The following LRRC7 variants were observed in gnomAD, a reference collection of about 807,000 sequenced individuals.
The protein encoded by LRRC7 is leucine-rich repeat-containing protein 7.
LRRC7 carries 23 observed loss-of-function variants against 175.7 expected under a neutral mutation model. That is an observed-to-expected ratio of 0.13 (90% CI 0.09 to 0.19). The LOEUF is 0.19. Ranked by LOEUF, LRRC7 falls within the 10% of genes least tolerant of loss-of-function variation. LRRC7 has a pLI of 1.00. For synonymous variants in LRRC7, 685 were observed against 680.9 expected (o/e 1.01, Z -0.09); for missense variants, 1,354 against 1,904.7 (o/e 0.71, Z 5.38).
intron 7 of LRRC7, among the ~76,000 whole-genome samples, chr1:69,838,590 C>T (rs1020712524): frequency 4.0e-5 from 6 of 151,806 alleles, no homozygotes; most frequent in Non-Finnish European, 7.4e-5. Context: ...TAGCTAAAAA[C>T]AATAGTGTCA....
At chr1:70,041,182 C>T (rs565486754) in intron 21 of LRRC7, among the ~76,000 whole-genome samples, 39 of 152,176 alleles carry the variant, frequency 2.6e-4, no homozygotes, top group African/African-American at 9.2e-4. Flanking sequence ...TATTTGGTGT[C>T]CTGCTAAAAG....
chr1:70,102,553 T>TG (rs1664872174), intron 25 of LRRC7, among the ~76,000 whole-genome samples: 1 of 152,140 alleles, frequency 6.6e-6, no homozygotes, highest in Non-Finnish European at 1.5e-5. Flanking sequence ...AAAATAGAGA[T>TG]GGGGTCTCAC....
intron 10 of LRRC7, among the ~76,000 whole-genome samples, chr1:69,992,349 A>G (rs1444524722): frequency 1.3e-5 from 2 of 152,122 alleles, no homozygotes; most frequent in African/African-American, 4.8e-5. Context: ...TTCTTTTTCT[A>G]TCTCTTCAGT....
At position 69,631,099 on chromosome 1, in the gene LRRC7, G is replaced by A. The variant is rs963422725; in HGVS notation, c.3-47282G>A. On this transcript the variant is annotated intron_variant, in intron 1 of 26. Transcript: ENST00000651989. ...TGATAATTTTATACATCCATATAAT[G>A]TGTACAGATCAAATCAGGGTAATTG... is the stretch of plus-strand genomic sequence containing the variant. 5.9e-5 allele frequency among the ~76,000 whole-genome samples: 9 copies of A among 151,720 alleles called. No individual in the cohort carries two copies. In the East Asian group the frequency reaches 1.7e-3, roughly 29 times the overall value.
At chr1:69,746,793 C>T (rs573655707) in intron 2 of LRRC7, among the ~76,000 whole-genome samples, 70 of 152,196 alleles carry the variant, frequency 4.6e-4, no homozygotes, top group Non-Finnish European at 8.2e-4. Flanking sequence ...AAGCTGAAGA[C>T]AGGTGTCGTA....
rs1051276957 is a variant in LRRC7 at position 70,039,919 on chromosome 1, C to T, written c.3969+126C>T. On this transcript the variant is annotated intron_variant, in intron 21 of 26. Transcript: ENST00000651989. ...ATTAGATGATCAGTATTTTATTTAT[C>T]TTTATATTGTGGGGAAAATGGATCA... 42 of 1,249,716 alleles carry T rather than the reference C, an allele frequency of 3.4e-5. No individual in the cohort carries two copies. In the African/African-American group the frequency reaches 5.7e-4, roughly 17 times the overall value. The allele number at this position is 1,249,716 out of a possible 1,614,324, so 77.4% of individuals were successfully genotyped here. A position where few individuals can be genotyped will look rare whatever the true frequency, so the allele number is the denominator to read the frequency against.
At chr1:69,770,521 T>C (rs1672117655) in intron 3 of LRRC7, among the ~76,000 whole-genome samples, 1 of 152,180 alleles carries the variant, frequency 6.6e-6, no homozygotes, top group Non-Finnish European at 1.5e-5. Flanking sequence ...ATTGATTATT[T>C]TTTTTCCTCC....
At chr1:69,858,984 C>CA (rs1431615302) in intron 7 of LRRC7, among the ~76,000 whole-genome samples, 1 of 152,084 alleles carries the variant, frequency 6.6e-6, no homozygotes, top group African/African-American at 2.4e-5. Flanking sequence ...CACCTAAGTG[C>CA]ATAAAGCAAA....
At chr1:69,856,541 C>A (rs1236053242) in intron 7 of LRRC7, among the ~76,000 whole-genome samples, 1 of 152,132 alleles carries the variant, frequency 6.6e-6, no homozygotes, top group Non-Finnish European at 1.5e-5. Flanking sequence ...TGGACACATA[C>A]ACCCTCCCAA....
intron 4 of LRRC7, among the ~76,000 whole-genome samples, chr1:69,815,948 CTTTATTTATTTATTTA>C (rs61408208): frequency 4.7e-5 from 7 of 147,508 alleles, no homozygotes; most frequent in East Asian, 2.0e-4. Context: ...TCTCTAGAAC[CTTTATTTATTTATTTA>C]TTTATTTATT....
chr1:69,588,256 T>C (rs1234457323), intron 1 of LRRC7, among the ~76,000 whole-genome samples: 1 of 152,178 alleles, frequency 6.6e-6, no homozygotes, highest in African/African-American at 2.4e-5. Context: ...TTCAGTAAGA[T>C]GACCATTATT....
At chr1:69,902,121 G>T (rs1557868045) in intron 7 of LRRC7, among the ~76,000 whole-genome samples, 2 of 152,102 alleles carry the variant, frequency 1.3e-5, no homozygotes, top group African/African-American at 4.8e-5. Context: ...CTAATTGGGA[G>T]CTTTTATAAC....
intron 1 of LRRC7, among the ~76,000 whole-genome samples, chr1:69,578,169 CA>C (rs1258848370): frequency 4.0e-5 from 6 of 151,850 alleles, no homozygotes; most frequent in Admixed American, 3.9e-4. Flanking sequence ...GACCTTTATG[CA>C]GCCAAAAAAC....
intron 7 of LRRC7, among the ~76,000 whole-genome samples, chr1:69,895,255 G>A (rs2101653108): frequency 6.6e-6 from 1 of 152,096 alleles, no homozygotes; most frequent in South Asian, 2.1e-4. Context: ...TATTAAGAAG[G>A]TGGATCTCAC....
intron 25 of LRRC7, among the ~76,000 whole-genome samples, chr1:70,097,131 A>G (rs1358351189): frequency 1.3e-5 from 2 of 152,202 alleles, no homozygotes; most frequent in African/African-American, 4.8e-5. Context: ...ATTGAGACTA[A>G]ATATGATTCC....
intron 7 of LRRC7, among the ~76,000 whole-genome samples, chr1:69,858,798 T>C (rs185694417): frequency 5.9e-5 from 9 of 152,276 alleles, no homozygotes; most frequent in Middle Eastern, 3.4e-3. Context: ...TTTCCTGAGT[T>C]ATCTGACCTC....
intron 7 of LRRC7, among the ~76,000 whole-genome samples, chr1:69,892,445 C>T (rs950902791): frequency 2.6e-5 from 4 of 152,108 alleles, no homozygotes; most frequent in Non-Finnish European, 5.9e-5. Flanking sequence ...AGCAACACCA[C>T]GCAGATAAAT....
At chr1:69,663,275 T>C (rs2100541023) in intron 1 of LRRC7, among the ~76,000 whole-genome samples, 1 of 151,112 alleles carries the variant, frequency 6.6e-6, no homozygotes, top group East Asian at 1.9e-4. Flanking sequence ...CTGTAGTATG[T>C]AATACAGTTT....
chr1:69,795,615 G>T (rs945096389), intron 4 of LRRC7, among the ~76,000 whole-genome samples: 2 of 152,152 alleles, frequency 1.3e-5, no homozygotes, highest in African/African-American at 4.8e-5. Flanking sequence ...TTTTGAAACA[G>T]AGACTCATTC....
Sources: allele counts gnomAD v4.1 joint callset (sites outside exome capture counted in the v4.1 genomes callset), GRCh38; gene constraint gnomAD v4.1.1; transcripts MANE v1.5; gene names NCBI Gene and HGNC (gene_info 2026-07-23, HGNC 2026-07-21).